AP3B1: variants seen among roughly 807,000 people sequenced by gnomAD.
AP3B1 encodes the protein AP-3 complex subunit beta-1.
AP3B1 carries 61 observed loss-of-function variants against 132.5 expected under a neutral mutation model. The ratio of observed to expected loss-of-function variants is 0.46; its 90% CI spans 0.37 to 0.57. AP3B1 has a LOEUF of 0.57. Ranked by LOEUF, AP3B1 falls within the 20% of genes least tolerant of loss-of-function variation. AP3B1 has a pLI of 0.00. For missense variants in AP3B1, 1,120 were observed against 1,289.4 expected, an observed-to-expected ratio of 0.87 and a Z score of 2.01; for synonymous variants, 388 against 438.3, an observed-to-expected ratio of 0.89 and a Z score of 1.43.
chr5:78,098,646 C>T (rs113350176), intron 21 of AP3B1, among the ~76,000 whole-genome samples: 1 of 152,212 alleles, frequency 6.6e-6, no homozygotes, highest in East Asian at 1.9e-4. Context: ...GTTAGTCCTA[C>T]ATCACAAGGA....
chr5:78,273,469 T>C (rs1364165561), intron 1 of AP3B1, among the ~76,000 whole-genome samples: 2 of 152,146 alleles, frequency 1.3e-5, no homozygotes, highest in African/African-American at 4.8e-5. Context: ...CAAATTGCCA[T>C]GTGGGAGAAC....
At chr5:78,067,362 G>A (rs191353044) in intron 22 of AP3B1, among the ~76,000 whole-genome samples, 34 of 152,212 alleles carry the variant, frequency 2.2e-4, no homozygotes, top group African/African-American at 5.3e-4. Context: ...ACAGATCATC[G>A]AGACACAAAA....
At chr5:78,285,455 G>A (rs1040302731) in intron 1 of AP3B1, among the ~76,000 whole-genome samples, 10 of 151,956 alleles carry the variant, frequency 6.6e-5, no homozygotes, top group African/African-American at 2.4e-4. Context: ...GAATGTCCCA[G>A]GACTGACTGA....
chr5:78,255,466 A>C (rs202239044), intron 2 of AP3B1, among the ~76,000 whole-genome samples: 1 of 29,720 alleles, frequency 3.4e-5, no homozygotes, highest in African/African-American at 1.2e-4. Flanking sequence ...CAAACAAAAT[A>C]AGACTTCAAG....
chr5:78,011,041 C>CT (rs11301750), intron 26 of AP3B1, among the ~76,000 whole-genome samples: 2,608 of 129,344 alleles, frequency 0.02, 82 homozygotes, highest in African/African-American at 0.045. Flanking sequence ...CTGTATCTCT[C>CT]TTTTTTTTTT....
At chr5:78,209,301 T>C (rs895700500) in intron 7 of AP3B1, among the ~76,000 whole-genome samples, 1 of 152,240 alleles carries the variant, frequency 6.6e-6, no homozygotes, top group African/African-American at 2.4e-5. Flanking sequence ...ACATAGACCT[T>C]AAGTCTGATA....
chr5:78,202,920 C>A (rs992826550), intron 7 of AP3B1, among the ~76,000 whole-genome samples: 2 of 152,126 alleles, frequency 1.3e-5, no homozygotes, highest in African/African-American at 4.8e-5. Flanking sequence ...CTTTGAAATG[C>A]ATCTAAAACA....
chr5:78,256,503 A>C (rs961483192), intron 2 of AP3B1, among the ~76,000 whole-genome samples: 1 of 152,032 alleles, frequency 6.6e-6, no homozygotes, highest in African/African-American at 2.4e-5. Flanking sequence ...CCCAATATCA[A>C]ATCACAAGAT....
At chr5:78,135,570 G>T (rs894182735) in intron 15 of AP3B1, among the ~76,000 whole-genome samples, 7 of 151,486 alleles carry the variant, frequency 4.6e-5, no homozygotes, top group Non-Finnish European at 2.9e-5. Context: ...ATAAATAAAG[G>T]CAAATGTGAA....
At chr5:78,067,504 C>T (rs1158849115) in intron 22 of AP3B1, among the ~76,000 whole-genome samples, 2 of 152,188 alleles carry the variant, frequency 1.3e-5, no homozygotes, top group African/African-American at 4.8e-5. Context: ...ACTCTAAAAT[C>T]GATCACATCA....
At chr5:78,071,436 G>C (rs1749539971) in intron 22 of AP3B1, among the ~76,000 whole-genome samples, 1 of 152,130 alleles carries the variant, frequency 6.6e-6, no homozygotes, top group Non-Finnish European at 1.5e-5. Flanking sequence ...GGAGTATCAG[G>C]ATAAATAGCT....
chr5:78,099,180 T>C (rs1039695522), intron 21 of AP3B1, among the ~76,000 whole-genome samples: 1 of 152,242 alleles, frequency 6.6e-6, no homozygotes, highest in Non-Finnish European at 1.5e-5. Context: ...GCTGGCACCT[T>C]GATCTTGGAC....
intron 3 of AP3B1, among the ~76,000 whole-genome samples, chr5:78,239,693 C>T (rs1431868646): frequency 1.3e-5 from 2 of 149,362 alleles, no homozygotes; most frequent in Non-Finnish European, 3.0e-5. Flanking sequence ...GCGGGAGGAT[C>T]GCTTGAGCCC....
chr5:78,236,050 AAAAT>A (rs1746865466), intron 3 of AP3B1, among the ~76,000 whole-genome samples: 2 of 152,218 alleles, frequency 1.3e-5, no homozygotes, highest in African/African-American at 4.8e-5. Context: ...TCAAAAAAAT[AAAAT>A]AAACAAGGTA....
chr5:78,244,678 T>G (rs6897166), intron 2 of AP3B1, among the ~76,000 whole-genome samples: 2 of 151,788 alleles, frequency 1.3e-5, no homozygotes, highest in Non-Finnish European at 2.9e-5. Context: ...GTAGACTGAG[T>G]GACAAGACAT....
chr5:78,048,625 A>C (rs1748444847), intron 22 of AP3B1, among the ~76,000 whole-genome samples: 1 of 151,978 alleles, frequency 6.6e-6, no homozygotes, highest in South Asian at 2.1e-4. Flanking sequence ...CACATTGTTC[A>C]GTGAGAAAAA....
chr5:78,096,639 G>C (rs1750803216), intron 21 of AP3B1, among the ~76,000 whole-genome samples: 1 of 152,010 alleles, frequency 6.6e-6, no homozygotes, highest in African/African-American at 2.4e-5. Context: ...TCTGGGATGT[G>C]AGGAGCGCCT....
At chr5:78,191,650 A>G (rs534466193) in intron 7 of AP3B1, among the ~76,000 whole-genome samples, 7 of 152,324 alleles carry the variant, frequency 4.6e-5, no homozygotes, top group Non-Finnish European at 8.8e-5. Flanking sequence ...AACCACAAGT[A>G]GAACAAAATC....
intron 22 of AP3B1, among the ~76,000 whole-genome samples, chr5:78,067,701 T>C (rs1749351081): frequency 6.6e-6 from 1 of 152,172 alleles, no homozygotes; most frequent in South Asian, 2.1e-4. Context: ...ATCAAGAAGT[T>C]CTTTGAAACC....
Sources: allele counts gnomAD v4.1 joint callset (sites outside exome capture counted in the v4.1 genomes callset), GRCh38; gene constraint gnomAD v4.1.1; transcripts MANE v1.5; gene names NCBI Gene and HGNC (gene_info 2026-07-23, HGNC 2026-07-21).